CACNA1C: variants seen among roughly 807,000 people sequenced by gnomAD.
CACNA1C encodes the protein calcium voltage-gated channel subunit alpha1 C.
In CACNA1C, 30 loss-of-function variants were observed where a neutral mutation model predicts 229.0. The observed-to-expected ratio is 0.13, with a 90% confidence interval of 0.10 to 0.18. The LOEUF (loss-of-function observed/expected upper bound fraction) is 0.18, where lower values mean the gene tolerates loss of function less well. Ranked by LOEUF, CACNA1C falls within the 10% of genes least tolerant of loss-of-function variation. CACNA1C has a pLI of 1.00. For synonymous variants in CACNA1C, 1,114 were observed against 1,132.5 expected (o/e 0.98, Z 0.33); for missense variants, 1,658 against 2,845.0 (o/e 0.58, Z 9.49).
chr12:2,572,313 TCC>T (rs2055066086), intron 13 of CACNA1C, among the ~76,000 whole-genome samples: 2 of 144,846 alleles, frequency 1.4e-5, no homozygotes, highest in African/African-American at 2.5e-5. Context: ...CTCCTCCTCC[TCC>T]TCCTCTTCCT....
At chr12:2,409,473 C>T (rs945821669) in intron 3 of CACNA1C, among the ~76,000 whole-genome samples, 1 of 152,198 alleles carries the variant, frequency 6.6e-6, no homozygotes, top group African/African-American at 2.4e-5. Flanking sequence ...GGTGTGCCCT[C>T]CTTGATGAGT....
intron 3 of CACNA1C, among the ~76,000 whole-genome samples, chr12:2,164,851 C>T (rs554798586): frequency 2.0e-4 from 30 of 152,270 alleles, no homozygotes; most frequent in Middle Eastern, 3.4e-3. Context: ...AGGTATGGCG[C>T]ACACACAGTG....
chr12:2,241,566 C>T (rs1012431316), intron 3 of CACNA1C, among the ~76,000 whole-genome samples: 9 of 152,140 alleles, frequency 5.9e-5, no homozygotes, highest in Admixed American at 1.3e-4. Context: ...CTGGGTCTTC[C>T]GAAGACAGAT....
At chr12:2,384,234 T>G (rs2098326220) in intron 3 of CACNA1C, among the ~76,000 whole-genome samples, 1 of 152,234 alleles carries the variant, frequency 6.6e-6, no homozygotes, top group Non-Finnish European at 1.5e-5. Flanking sequence ...GTACTGTCTT[T>G]GTGTAAGAGT....
chr12:2,102,469 GCTCTGGGGCATT>G (rs1366653211), intron 1 of CACNA1C, among the ~76,000 whole-genome samples: 11 of 152,244 alleles, frequency 7.2e-5, no homozygotes, highest in Admixed American at 5.2e-4. Flanking sequence ...GTGGTACCTG[GCTCTGGGGCATT>G]CTTCCCCACT....
intron 3 of CACNA1C, among the ~76,000 whole-genome samples, chr12:2,377,382 C>A (rs1021355770): frequency 6.6e-6 from 1 of 152,144 alleles, no homozygotes; most frequent in Non-Finnish European, 1.5e-5. Context: ...ACATGGCGAA[C>A]ACCACATGCA....
intron 1 of CACNA1C, among the ~76,000 whole-genome samples, chr12:2,059,217 G>C (rs1299275866): frequency 2.0e-5 from 3 of 152,108 alleles, no homozygotes; most frequent in African/African-American, 7.2e-5. Flanking sequence ...GAGCCTCCGA[G>C]AGCTGAGATG....
At chr12:2,617,801 TATGG>T (rs2081364096) in intron 29 of CACNA1C, among the ~76,000 whole-genome samples, 1 of 152,130 alleles carries the variant, frequency 6.6e-6, no homozygotes, top group Non-Finnish European at 1.5e-5. Flanking sequence ...TAGGTTCGCA[TATGG>T]ATGGGCAGAG....
chr12:2,261,207 G>T (rs1487084278), intron 3 of CACNA1C, among the ~76,000 whole-genome samples: 1 of 151,996 alleles, frequency 6.6e-6, no homozygotes, highest in Admixed American at 6.6e-5. Context: ...ACTCCAGCCT[G>T]GGTGACAGAG....
rs36026265 is a variant in CACNA1C, at chr12:2,123,376, A to AG, written c.477+2946_477+2947insG. Reference sequence around the variant, plus strand: ...GGGTGACAGAAGGAGACTCCATCTCAAAAAAAAAAAAAAAAAAAAAAGGTT... The same window carrying AG: ...GGGTGACAGAAGGAGACTCCATCTCAGAAAAAAAAAAAAAAAAAAAAAGGTT... On this transcript the variant is annotated intron_variant, in intron 3 of 46. Transcript: ENST00000399655. Among the ~76,000 whole-genome samples, 29 of 17,252 alleles carry AG rather than the reference A, an allele frequency of 1.7e-3. 1 individual carries two copies. In the East Asian group the frequency reaches 0.072, roughly 43 times the overall value. The allele number at this position is 17,252 out of a possible 152,430, so 11.3% of individuals were successfully genotyped here.
rs2099767725 is a variant in CACNA1C at position 2,504,644 on chromosome 12, C to G, written c.1114-198C>G. On this transcript the variant is annotated intron_variant, in intron 7 of 46. Transcript: ENST00000399655. This position sits in a 1 kb window ranked among gnomAD's most constrained non-coding sequence, Gnocchi z 6.8. ...CTCAGGGATGGGACCCTGACAGGCC[C>G]AGGAAAACCACAACAAAGCCTCTGT... 5.0e-6 allele frequency: 4 copies of G among 794,068 alleles called. No homozygotes were observed. In the African/African-American group the frequency reaches 6.9e-5, roughly 14 times the overall value. 49.2% of individuals were successfully genotyped at this position (794,068 alleles called of 1,614,324 possible).
At chr12:2,010,195 T>C (rs1055755646) in intron 1 of CACNA1C, among the ~76,000 whole-genome samples, 5 of 152,212 alleles carry the variant, frequency 3.3e-5, no homozygotes, top group African/African-American at 1.2e-4. Context: ...TTCCCAATAT[T>C]TTTATACGCT....
chr12:2,027,652 G>A lies in CACNA1C; in HGVS notation c.139+56451G>A, dbSNP rs138417144. ...TGACTTGAGCGTGGGCATTTAAAGC[G>A]GAAAGTCCCTTCCCTGGAGGCTCAC... On this transcript the variant is annotated intron_variant, in intron 1 of 46. Transcript: ENST00000682462. 1.1e-4 allele frequency among the ~76,000 whole-genome samples: 16 copies of A among 152,250 alleles called. No individual in the cohort carries two copies. The East Asian group carries it at 2.1e-3, about 20-fold the overall frequency.
At position 2,620,133 on chromosome 12, in the gene CACNA1C, G is replaced by T. The variant is rs148484927; in HGVS notation, c.3828+8120G>T. On this transcript the variant is annotated intron_variant, in intron 29 of 46. Coordinates refer to ENST00000399655, the MANE Select transcript of CACNA1C (RefSeq NM_000719.7). ...CCTTATCTCATTCAATCCATAAGACGAATATTATGGCCTCCCATTTTACAT... is the reference window on the plus strand; with the variant it reads ...CCTTATCTCATTCAATCCATAAGACTAATATTATGGCCTCCCATTTTACAT... Among the ~76,000 whole-genome samples the T allele has an allele frequency of 1.8e-4, 27 of 152,250 alleles. No homozygotes were observed. The South Asian group carries it at 5.6e-3, about 32-fold the overall frequency.
At position 2,108,487 on chromosome 12, in the gene CACNA1C, G is replaced by T. The variant is rs781248839; in HGVS notation, c.50-6737G>T. ...CAAAATAGATGCTTCCCCACCTGAC[G>T]TAGTTTTGATTCAGTTCTTGATTGG... On this transcript the variant is annotated intron_variant, in intron 1 of 46. Transcript: ENST00000399655. This position sits in a 1 kb window ranked among gnomAD's most constrained non-coding sequence, Gnocchi z 5.3. 6.6e-6 allele frequency among the ~76,000 whole-genome samples: 1 copy of T among 152,200 alleles called. No individual in the cohort carries two copies. The highest frequency in any genetic ancestry group is 1.5e-5 in the Non-Finnish European group (1 of 68,034).
intron 3 of CACNA1C, among the ~76,000 whole-genome samples, chr12:2,140,902 C>T (rs740459): frequency 0.099 from 14,969 of 151,292 alleles, 2,278 homozygotes; most frequent in African/African-American, 0.32. Flanking sequence ...TTTCAGAGCA[C>T]TGTGAATATT....
At chr12:2,219,820 G>A (rs756894206) in intron 3 of CACNA1C, among the ~76,000 whole-genome samples, 6 of 152,190 alleles carry the variant, frequency 3.9e-5, no homozygotes, top group Non-Finnish European at 8.8e-5. Context: ...GAGGCCCTGG[G>A]AGAGTAAGGA....
chr12:2,356,312 G>A (rs182910573), intron 3 of CACNA1C, among the ~76,000 whole-genome samples: 4 of 152,294 alleles, frequency 2.6e-5, no homozygotes, highest in Admixed American at 2.0e-4. Context: ...TGACCTTCTT[G>A]TCTCAAAAGT....
At chr12:2,052,427 C>A (rs2052464166), upstream of CACNA1C, among the ~76,000 whole-genome samples, 1 of 152,056 alleles carries the variant, frequency 6.6e-6, no homozygotes, top group South Asian at 2.1e-4. Context: ...CGATCCGAAA[C>A]GAGACTCTGG....
Sources: allele counts gnomAD v4.1 joint callset (sites outside exome capture counted in the v4.1 genomes callset), GRCh38; gene constraint gnomAD v4.1.1; non-coding constraint Gnocchi (gnomAD v3.1); transcripts MANE v1.5; gene names NCBI Gene and HGNC (gene_info 2026-07-23, HGNC 2026-07-21).